SGTB: variants seen among roughly 807,000 people sequenced by gnomAD.
SGTB encodes small glutamine rich tetratricopeptide repeat co-chaperone beta.
SGTB carries 19 observed loss-of-function variants against 43.9 expected under a neutral mutation model. The observed-to-expected ratio is 0.43, with a 90% CI of 0.30 to 0.63. The LOEUF (loss-of-function observed/expected upper bound fraction) is 0.63. SGTB is among the 30% of genes least tolerant of loss of function. SGTB has a pLI of 0.12. For missense variants in SGTB, 304 were observed against 358.9 expected, an observed-to-expected ratio of 0.85 and a Z score of 1.24; for synonymous variants, 116 against 117.3, an observed-to-expected ratio of 0.99 and a Z score of 0.07.
intron 3 of SGTB, among the ~76,000 whole-genome samples, chr5:65,710,995 C>CA (rs982877268): frequency 0.061 from 5,648 of 93,074 alleles, 189 homozygotes; most frequent in Admixed American, 0.084. Context: ...GACTCTGTCT[C>CA]AAAAAAAAAA....
At chr5:65,717,302 A>T (rs1248227777) in intron 2 of SGTB, among the ~76,000 whole-genome samples, 1 of 152,186 alleles carries the variant, frequency 6.6e-6, no homozygotes, top group East Asian at 1.9e-4. Context: ...CATACAATTA[A>T]GCAGTAATTA....
At chr5:65,722,276 C>G, upstream of SGTB, 1 of 928,694 alleles carries the variant, frequency 1.1e-6, no homozygotes, top group Non-Finnish European at 1.5e-6. Context: ...TGCGGCTAGG[C>G]CGGCTCGAGA....
chr5:65,698,396 C>T (rs1428198164), intron 5 of SGTB, among the ~76,000 whole-genome samples: 2 of 152,162 alleles, frequency 1.3e-5, no homozygotes, highest in South Asian at 4.1e-4. Context: ...AAGGTAAATA[C>T]TAGTATTACC....
At chr5:65,712,908 A>C (rs1427275128) in intron 3 of SGTB, 53 bp downstream of exon 3, 25 of 1,382,326 alleles carry the variant, frequency 1.8e-5, no homozygotes, top group African/African-American at 8.6e-5. Flanking sequence ...ACAATCTATT[A>C]ACATAAAATT....
intron 3 of SGTB, among the ~76,000 whole-genome samples, chr5:65,709,022 C>T (rs1257793907): frequency 7.0e-6 from 1 of 142,904 alleles, no homozygotes; most frequent in Non-Finnish European, 1.5e-5. Flanking sequence ...GCCTGGGCAA[C>T]AGAGCCAGAC....
At chr5:65,675,308 G>C (rs936080072) in intron 8 of SGTB, among the ~76,000 whole-genome samples, 1 of 152,174 alleles carries the variant, frequency 6.6e-6, no homozygotes, top group African/African-American at 2.4e-5. Flanking sequence ...AATGCTGAGG[G>C]GCAAGCTAGG....
At chr5:65,701,697 A>C (rs1757826702) in intron 5 of SGTB, among the ~76,000 whole-genome samples, 1 of 140,092 alleles carries the variant, frequency 7.1e-6, no homozygotes, top group Non-Finnish European at 1.5e-5. Flanking sequence ...CAGTGGCGCC[A>C]TCTTGGCTTT....
At chr5:65,679,202 AAAG>A (rs1375098869) in intron 8 of SGTB, among the ~76,000 whole-genome samples, 2 of 152,252 alleles carry the variant, frequency 1.3e-5, no homozygotes, top group African/African-American at 2.4e-5. Flanking sequence ...ACAATTCTCA[AAAG>A]AAGACATATA....
chr5:65,672,031 G>T, intron 9 of SGTB, 33 bp from the exon 10 acceptor site: 1 of 1,607,036 alleles, frequency 6.2e-7, no homozygotes, highest in South Asian at 1.1e-5. Flanking sequence ...CACTGGGATT[G>T]GTATATATTC....
chr5:65,694,014 C>T (rs780940091), intron 5 of SGTB, among the ~76,000 whole-genome samples: 6 of 152,260 alleles, frequency 3.9e-5, no homozygotes, highest in Admixed American at 6.5e-5. Flanking sequence ...AATTGTATTA[C>T]ATTTTAATTA....
intron 5 of SGTB, among the ~76,000 whole-genome samples, chr5:65,690,519 A>G (rs183770847): frequency 1.3e-3 from 191 of 152,324 alleles, no homozygotes; most frequent in African/African-American, 4.5e-3. Context: ...GATACAAAAG[A>G]TATCACTTAA....
chr5:65,701,517 A>G (rs970025047), intron 5 of SGTB, among the ~76,000 whole-genome samples: 1 of 152,202 alleles, frequency 6.6e-6, no homozygotes, highest in Non-Finnish European at 1.5e-5. Context: ...ACTTTTACAT[A>G]TGAAAAACAT....
At chr5:65,675,402 T>C (rs1757247860) in intron 8 of SGTB, among the ~76,000 whole-genome samples, 1 of 152,232 alleles carries the variant, frequency 6.6e-6, no homozygotes. Context: ...GTTTTTAACC[T>C]TTCATATATT....
At chr5:65,682,452 G>A (rs1257922376) in intron 6 of SGTB, among the ~76,000 whole-genome samples, 7 of 152,308 alleles carry the variant, frequency 4.6e-5, no homozygotes, top group Non-Finnish European at 8.8e-5. Context: ...CAGGGAGATC[G>A]GTTAGGAAGC....
At chr5:65,691,167 G>GT (rs1417070811) in intron 5 of SGTB, among the ~76,000 whole-genome samples, 1 of 152,144 alleles carries the variant, frequency 6.6e-6, no homozygotes, top group Middle Eastern at 3.2e-3. Context: ...TGAATTGAAG[G>GT]TATCTGTATA....
intron 5 of SGTB, among the ~76,000 whole-genome samples, chr5:65,701,316 A>G (rs573423350): frequency 1.9e-3 from 286 of 152,280 alleles, no homozygotes; most frequent in Non-Finnish European, 3.0e-3. Context: ...GGCCGTTATA[A>G]CAAGTTTCGA....
chr5:65,685,345 T>C (rs1261031755), intron 6 of SGTB, 23 bp downstream of exon 6: 3 of 1,606,912 alleles, frequency 1.9e-6, no homozygotes, highest in Non-Finnish European at 2.6e-6. Flanking sequence ...TGGTACTACT[T>C]GGAACATCCT....
chr5:65,721,236 T>TA (rs1284182625), intron 1 of SGTB, among the ~76,000 whole-genome samples: 3 of 152,324 alleles, frequency 2.0e-5, no homozygotes, highest in Non-Finnish European at 2.9e-5. Flanking sequence ...TCATGGGATC[T>TA]AAAAAAAGTA....
intron 5 of SGTB, among the ~76,000 whole-genome samples, chr5:65,690,502 C>T (rs1757585297): frequency 6.6e-6 from 1 of 152,076 alleles, no homozygotes; most frequent in Admixed American, 6.5e-5. Flanking sequence ...CTCAGATTCT[C>T]AACTTGGATA....
Sources: allele counts gnomAD v4.1 joint callset (sites outside exome capture counted in the v4.1 genomes callset), GRCh38; gene constraint gnomAD v4.1.1; transcripts MANE v1.5; gene names NCBI Gene and HGNC (gene_info 2026-07-23, HGNC 2026-07-21).